CDH2: variants seen among roughly 807,000 people sequenced by gnomAD.
CDH2 encodes the protein cadherin-2.
Under a neutral mutation model 92.0 loss-of-function variants are expected in CDH2, and 17 were observed. That is an observed-to-expected ratio of 0.18 (90% confidence interval 0.13 to 0.28). The LOEUF is 0.28. Among genes scored for constraint, CDH2 ranks in the 10% least tolerant of loss-of-function variants. CDH2 has a pLI of 1.00. For synonymous variants in CDH2, 419 were observed against 415.9 expected (o/e 1.01, Z -0.09); for missense variants, 862 against 1,133.1 (o/e 0.76, Z 3.44).
chr18:28,131,229 G>T (rs1428298158), intron 2 of CDH2, among the ~76,000 whole-genome samples: 1 of 151,858 alleles, frequency 6.6e-6, no homozygotes, highest in African/African-American at 2.4e-5. Context: ...ATATCATCTT[G>T]ATTTTTTTTC....
At chr18:28,110,171 G>C (rs979192024) in intron 2 of CDH2, among the ~76,000 whole-genome samples, 4 of 152,182 alleles carry the variant, frequency 2.6e-5, no homozygotes, top group African/African-American at 9.6e-5. Flanking sequence ...ATTACATACA[G>C]GGACCTCTGC....
intron 2 of CDH2, among the ~76,000 whole-genome samples, chr18:28,088,260 T>C (rs745766478): frequency 6.6e-6 from 1 of 152,190 alleles, no homozygotes; most frequent in Non-Finnish European, 1.5e-5. Context: ...TTGATACTCA[T>C]AAAGTCAACT....
intron 6 of CDH2, among the ~76,000 whole-genome samples, chr18:27,933,312 C>A (rs2070219389): frequency 6.6e-6 from 1 of 152,064 alleles, no homozygotes; most frequent in Non-Finnish European, 1.5e-5. Context: ...AAAAGAATAT[C>A]TTGGTTCAAG....
intron 2 of CDH2, among the ~76,000 whole-genome samples, chr18:28,025,413 G>A (rs2013524171): frequency 2.0e-5 from 3 of 151,910 alleles, no homozygotes; most frequent in South Asian, 4.2e-4. Context: ...AGCTACTCAG[G>A]AGGCTGAGGC....
At chr18:27,987,262 A>G (rs1031992829) in intron 11 of CDH2, among the ~76,000 whole-genome samples, 1 of 152,256 alleles carries the variant, frequency 6.6e-6, no homozygotes, top group Non-Finnish European at 1.5e-5. Flanking sequence ...GCAAAAAAGC[A>G]TAAAACAGGT....
chr18:27,942,165 G>A (rs945329570), intron 6 of CDH2, among the ~76,000 whole-genome samples: 3 of 152,180 alleles, frequency 2.0e-5, no homozygotes, highest in African/African-American at 7.2e-5. Flanking sequence ...AAAAGAATAT[G>A]TATGTTAGAA....
chr18:28,110,716 TA>T (rs2015397074), intron 2 of CDH2, among the ~76,000 whole-genome samples: 1 of 152,092 alleles, frequency 6.6e-6, no homozygotes. Context: ...CTGTAATTGC[TA>T]AAGTGAATAT....
chr18:27,978,272 A>C (rs2143933368), intron 14 of CDH2, among the ~76,000 whole-genome samples: 1 of 152,376 alleles, frequency 6.6e-6, no homozygotes, highest in South Asian at 2.1e-4. Flanking sequence ...TGCAGAATAT[A>C]GTCAGAAAAC....
chr18:28,134,544 T>C (rs1179372358), intron 2 of CDH2, among the ~76,000 whole-genome samples: 3 of 151,944 alleles, frequency 2.0e-5, no homozygotes, highest in Non-Finnish European at 4.4e-5. Flanking sequence ...ACCCTGTCTC[T>C]ACAAAAAATT....
intron 2 of CDH2, among the ~76,000 whole-genome samples, chr18:28,015,427 TG>T (rs921823763): frequency 3.3e-5 from 5 of 152,176 alleles, no homozygotes; most frequent in Admixed American, 2.6e-4. Context: ...CCATCTTCCA[TG>T]CCCCATGATT....
chr18:27,986,950 A>G (rs1290403827), intron 11 of CDH2, among the ~76,000 whole-genome samples: 2 of 152,240 alleles, frequency 1.3e-5, no homozygotes, highest in Non-Finnish European at 2.9e-5. Context: ...ACAGAGTATA[A>G]GAGCTTGACT....
intron 5 of CDH2, among the ~76,000 whole-genome samples, chr18:28,007,356 C>T (rs114770959): frequency 8.6e-4 from 131 of 151,644 alleles, no homozygotes; most frequent in Middle Eastern, 3.4e-3. Flanking sequence ...TCATTTCATT[C>T]TTTCCAATGG....
intron 6 of CDH2, among the ~76,000 whole-genome samples, chr18:27,933,990 A>T (rs1157787571): frequency 6.6e-6 from 1 of 152,244 alleles, no homozygotes; most frequent in Non-Finnish European, 1.5e-5. Context: ...AATTAAAGAA[A>T]GAAAATATGT....
chr18:27,998,839 C>T (rs923578647), intron 7 of CDH2, among the ~76,000 whole-genome samples: 3 of 152,184 alleles, frequency 2.0e-5, no homozygotes, highest in Non-Finnish European at 4.4e-5. Context: ...AGGCTGGTCT[C>T]AAACTCCTAG....
rs1479011050 is a variant in CDH2, at chr18:28,163,718, TATAAAC to T, written c.60+13239_60+13244del. Among the ~76,000 whole-genome samples the T allele has an allele frequency of 4.6e-5, 7 of 152,358 alleles. No individual in the cohort carries two copies. The East Asian group carries it at 5.8e-4, about 13-fold the overall frequency. On this transcript the variant is annotated intron_variant, in intron 1 of 15. Transcript: ENST00000269141. Reference sequence around the variant, plus strand: ...ACAGCTATACAACTCAGCTGAATCTTATAAACATAACGCTGAGTAGAAAAAGCAAAT... The same window carrying T: ...ACAGCTATACAACTCAGCTGAATCTTATAACGCTGAGTAGAAAAAGCAAAT...
intron 14 of CDH2, among the ~76,000 whole-genome samples, chr18:27,975,494 T>C (rs1391121819): frequency 6.6e-6 from 1 of 152,114 alleles, no homozygotes; most frequent in African/African-American, 2.4e-5. Context: ...CACAGGTGAG[T>C]GAGCACGGGA....
intron 1 of CDH2, among the ~76,000 whole-genome samples, chr18:28,174,469 A>G (rs941400311): frequency 1.8e-4 from 27 of 152,326 alleles, no homozygotes; most frequent in Middle Eastern, 3.4e-3. Flanking sequence ...AAATCATTCA[A>G]TGTTACTGCT....
intron 14 of CDH2, among the ~76,000 whole-genome samples, chr18:27,968,519 GACTA>G (rs1441238516): frequency 2.0e-5 from 3 of 152,182 alleles, no homozygotes; most frequent in African/African-American, 4.8e-5. Flanking sequence ...GTTAAAATAA[GACTA>G]ACTGTTGTTT....
intron 1 of CDH2, among the ~76,000 whole-genome samples, chr18:28,155,613 G>A (rs1254945486): frequency 6.6e-6 from 1 of 152,098 alleles, no homozygotes; most frequent in Non-Finnish European, 1.5e-5. Context: ...TGACAACTAT[G>A]GTAATACTTT....
Sources: allele counts gnomAD v4.1 joint callset (sites outside exome capture counted in the v4.1 genomes callset), GRCh38; gene constraint gnomAD v4.1.1; transcripts MANE v1.5; gene names NCBI Gene and HGNC (gene_info 2026-07-23, HGNC 2026-07-21).